SYT1: variants seen among roughly 807,000 people sequenced by gnomAD.
The protein encoded by SYT1 is synaptotagmin 1.
SYT1 carries 8 observed loss-of-function variants against 44.8 expected under a neutral mutation model. The observed-to-expected ratio is 0.18, with a 90% CI of 0.10 to 0.32. The LOEUF (loss-of-function observed/expected upper bound fraction) is 0.32. SYT1 is among the 10% of genes least tolerant of loss of function. The pLI is 1.00. For missense variants in SYT1, 286 were observed against 509.3 expected, an observed-to-expected ratio of 0.56 and a Z score of 4.22; for synonymous variants, 154 against 188.8, an observed-to-expected ratio of 0.82 and a Z score of 1.51.
intron 8 of SYT1, among the ~76,000 whole-genome samples, chr12:79,335,631 C>T (rs1478586687): frequency 6.6e-6 from 1 of 152,100 alleles, no homozygotes; most frequent in Non-Finnish European, 1.5e-5. Context: ...ATTCAATCAA[C>T]AATAGTTTAC....
chr12:79,044,098 ATG>A (rs1873809757), intron 2 of SYT1, among the ~76,000 whole-genome samples: 1 of 151,694 alleles, frequency 6.6e-6, no homozygotes, highest in Non-Finnish European at 1.5e-5. Flanking sequence ...TCTGACAATT[ATG>A]TGTCTTGGAG....
At chr12:79,194,691 TTAAA>T (rs1299224292) in intron 3 of SYT1, among the ~76,000 whole-genome samples, 1 of 152,152 alleles carries the variant, frequency 6.6e-6, no homozygotes, top group African/African-American at 2.4e-5. Context: ...TATATATATC[TTAAA>T]TTAATTTGTG....
chr12:79,120,051 A>C (rs1879509397), intron 3 of SYT1, among the ~76,000 whole-genome samples: 1 of 152,150 alleles, frequency 6.6e-6, no homozygotes, highest in Non-Finnish European at 1.5e-5. Context: ...GGCCTCCCAG[A>C]AGCAAGGAAT....
chr12:79,209,298 G>A (rs1377089562), intron 3 of SYT1, among the ~76,000 whole-genome samples: 3 of 152,146 alleles, frequency 2.0e-5, no homozygotes, highest in Non-Finnish European at 4.4e-5. Context: ...GATTTGGAAA[G>A]AATTTAAATG....
At chr12:79,074,439 T>G (rs903101061) in intron 3 of SYT1, among the ~76,000 whole-genome samples, 1 of 152,166 alleles carries the variant, frequency 6.6e-6, no homozygotes, top group Non-Finnish European at 1.5e-5. Context: ...AATCTCTAAC[T>G]GTGTAGCTTC....
chr12:79,037,075 C>G (rs899267882), intron 2 of SYT1, among the ~76,000 whole-genome samples: 3 of 151,798 alleles, frequency 2.0e-5, no homozygotes, highest in African/African-American at 7.3e-5. Context: ...AGGTACTATT[C>G]TAGGGGCTGG....
intron 3 of SYT1, among the ~76,000 whole-genome samples, chr12:79,065,069 A>G (rs1460993144): frequency 2.0e-5 from 3 of 152,098 alleles, no homozygotes; most frequent in East Asian, 1.9e-4. Context: ...TTCTTCACAC[A>G]TTCCAATTAG....
chr12:79,215,518 G>A (rs939429411), intron 3 of SYT1, among the ~76,000 whole-genome samples: 1 of 152,032 alleles, frequency 6.6e-6, no homozygotes, highest in Non-Finnish European at 1.5e-5. Context: ...AGCTAGTAAT[G>A]GAAAATTAAA....
chr12:79,355,358 C>T (rs148632803), intron 9 of SYT1, among the ~76,000 whole-genome samples: 91 of 152,306 alleles, frequency 6.0e-4, no homozygotes, highest in African/African-American at 1.9e-3. Flanking sequence ...AAAGGTCATA[C>T]CTAATTTTGT....
chr12:79,331,069 G>A (rs1223753138), intron 8 of SYT1, among the ~76,000 whole-genome samples: 1 of 152,104 alleles, frequency 6.6e-6, no homozygotes, highest in African/African-American at 2.4e-5. Context: ...TCTGTAACCT[G>A]TTCAATTTTA....
chr12:79,151,311 A>G (rs1375593546), intron 3 of SYT1, among the ~76,000 whole-genome samples: 3 of 152,192 alleles, frequency 2.0e-5, no homozygotes, highest in African/African-American at 7.2e-5. Context: ...TAAGATTGAC[A>G]TTCCCACCTG....
chr12:79,026,702 T>TAAAA (rs34140383), intron 2 of SYT1, among the ~76,000 whole-genome samples: 60 of 125,310 alleles, frequency 4.8e-4, no homozygotes, highest in African/African-American at 1.0e-3. Flanking sequence ...TATATATATA[T>TAAAA]CACACTTTCA....
chr12:79,414,419 A>T (rs998450827), intron 9 of SYT1, among the ~76,000 whole-genome samples: 4 of 152,112 alleles, frequency 2.6e-5, no homozygotes, highest in African/African-American at 9.7e-5. Flanking sequence ...TGTTGTACTA[A>T]GCAGTTGGTA....
At chr12:79,025,789 T>C (rs1169834995) in intron 2 of SYT1, among the ~76,000 whole-genome samples, 2 of 151,750 alleles carry the variant, frequency 1.3e-5, no homozygotes, top group East Asian at 3.9e-4. Flanking sequence ...ATAAAGCCTG[T>C]TTGACTCTAG....
At chr12:79,376,292 G>A (rs1351767470) in intron 9 of SYT1, among the ~76,000 whole-genome samples, 5 of 152,322 alleles carry the variant, frequency 3.3e-5, no homozygotes, top group East Asian at 3.9e-4. Flanking sequence ...GAGCAGTCCC[G>A]AGGGCTGCTG....
intron 10 of SYT1, among the ~76,000 whole-genome samples, chr12:79,447,610 A>G (rs929587035): frequency 4.6e-5 from 7 of 152,212 alleles, no homozygotes; most frequent in Admixed American, 2.6e-4. Flanking sequence ...TCATTACAAT[A>G]TGATTGCTTC....
At chr12:78,945,721 C>G (rs532152569) in intron 1 of SYT1, among the ~76,000 whole-genome samples, 6 of 152,052 alleles carry the variant, frequency 3.9e-5, no homozygotes, top group African/African-American at 1.2e-4. Context: ...ACATGAATCT[C>G]GTAATATTAA....
intron 8 of SYT1, among the ~76,000 whole-genome samples, chr12:79,350,199 A>T (rs560631038): frequency 6.8e-6 from 1 of 146,562 alleles, no homozygotes. Context: ...TCCTGCCGTG[A>T]GGGTCCTTCT....
At chr12:78,882,799 T>C (rs1029759029) in intron 1 of SYT1, among the ~76,000 whole-genome samples, 1 of 151,752 alleles carries the variant, frequency 6.6e-6, no homozygotes, top group Non-Finnish European at 1.5e-5. Flanking sequence ...AAATATATAT[T>C]GCTAAAATTT....
Sources: gnomAD v4.1 joint callset for allele counts (sites outside exome capture counted in the v4.1 genomes callset) on GRCh38, gnomAD v4.1.1 for gene constraint, MANE v1.5 for transcripts, NCBI Gene and HGNC (gene_info 2026-07-23, HGNC 2026-07-21) for gene names.